ADAMTS12: variants seen among roughly 807,000 people sequenced by gnomAD.
ADAMTS12 encodes the protein ADAM metallopeptidase with thrombospondin type 1 motif 12.
A neutral mutation model predicts 167.8 loss-of-function variants in ADAMTS12; 118 were observed. The ratio of observed to expected loss-of-function variants is 0.70; its 90% CI spans 0.61 to 0.82. The LOEUF is 0.82. Ranked by LOEUF, ADAMTS12 falls within the 40% of genes least tolerant of loss-of-function variation. The pLI, the probability that ADAMTS12 is intolerant of heterozygous loss-of-function variation, is 0.00. For synonymous variants in ADAMTS12, 704 were observed against 716.9 expected (o/e 0.98, Z 0.29); for missense variants, 1,916 against 1,998.8 (o/e 0.96, Z 0.79).
At chr5:33,815,906 C>T (rs1747634394) in intron 2 of ADAMTS12, among the ~76,000 whole-genome samples, 2 of 152,160 alleles carry the variant, frequency 1.3e-5, no homozygotes, top group South Asian at 2.1e-4. Context: ...AGTTCACATA[C>T]CAAGAAAATG....
intron 16 of ADAMTS12, among the ~76,000 whole-genome samples, chr5:33,608,134 T>A (rs1738536615): frequency 6.6e-6 from 1 of 152,206 alleles, no homozygotes; most frequent in African/African-American, 2.4e-5. Flanking sequence ...CCTATGCATC[T>A]CTTCATCTGT....
At chr5:33,744,088 C>T (rs550039056) in intron 3 of ADAMTS12, among the ~76,000 whole-genome samples, 12 of 152,292 alleles carry the variant, frequency 7.9e-5, no homozygotes, top group Non-Finnish European at 1.8e-4. Flanking sequence ...AAGTTCCTGC[C>T]GTGGCCAGGA....
At chr5:33,725,585 A>G (rs1743951218) in intron 3 of ADAMTS12, among the ~76,000 whole-genome samples, 1 of 152,348 alleles carries the variant, frequency 6.6e-6, no homozygotes, top group South Asian at 2.1e-4. Context: ...GAAAGCACCC[A>G]AAGTAGATCA....
intron 2 of ADAMTS12, among the ~76,000 whole-genome samples, chr5:33,784,926 T>C (rs1469030247): frequency 2.0e-5 from 3 of 152,078 alleles, no homozygotes. Context: ...TTTCAAAACT[T>C]ATTGTAAAGT....
intron 2 of ADAMTS12, among the ~76,000 whole-genome samples, chr5:33,804,138 A>G (rs1161637117): frequency 6.6e-6 from 1 of 152,240 alleles, no homozygotes; most frequent in Non-Finnish European, 1.5e-5. Flanking sequence ...AAGTCTTTGC[A>G]AACTAAAAAC....
At chr5:33,709,635 T>C (rs965733334) in intron 3 of ADAMTS12, among the ~76,000 whole-genome samples, 3 of 151,706 alleles carry the variant, frequency 2.0e-5, no homozygotes, top group Admixed American at 6.6e-5. Context: ...TGTTCTCACT[T>C]ATAAGTGGGA....
intron 19 of ADAMTS12, among the ~76,000 whole-genome samples, chr5:33,562,454 C>G (rs1301369418): frequency 6.6e-6 from 1 of 151,944 alleles, no homozygotes; most frequent in Non-Finnish European, 1.5e-5. Context: ...CTTGCATCCC[C>G]TCTCCCCTGC....
chr5:33,588,396 A>G (rs185345802), intron 18 of ADAMTS12, among the ~76,000 whole-genome samples: 9 of 152,320 alleles, frequency 5.9e-5, no homozygotes. Flanking sequence ...TAGTAAGCTG[A>G]CCATTGAGCA....
At chr5:33,869,655 A>G (rs1013133774) in intron 2 of ADAMTS12, among the ~76,000 whole-genome samples, 1 of 152,208 alleles carries the variant, frequency 6.6e-6, no homozygotes, top group African/African-American at 2.4e-5. Flanking sequence ...TGGGTCACAG[A>G]GATCACATGC....
At position 33,623,614 on chromosome 5, in the gene ADAMTS12, T is replaced by C. The variant is rs545690450; in HGVS notation, c.2143+617A>G. Among the ~76,000 whole-genome samples the C allele has an allele frequency of 1.7e-4, 26 of 152,220 alleles. 1 individual carries two copies. The highest frequency in any genetic ancestry group is 2.6e-4 in the Non-Finnish European group (18 of 67,994). On this transcript the variant is annotated intron_variant, in intron 14 of 23. Coordinates refer to ENST00000504830, the MANE Select transcript of ADAMTS12 (RefSeq NM_030955.4). Reference sequence around the variant, plus strand: ...ACTATGGGAAAAGAATAGTAAAGCGTGGGTAAGAAGGGGATGCTAGGTGGA... The same window carrying C: ...ACTATGGGAAAAGAATAGTAAAGCGCGGGTAAGAAGGGGATGCTAGGTGGA...
chr5:33,718,102 G>A (rs1299578071), intron 3 of ADAMTS12, among the ~76,000 whole-genome samples: 1 of 152,168 alleles, frequency 6.6e-6, no homozygotes, highest in East Asian at 1.9e-4. Flanking sequence ...TAATAATATT[G>A]GCAAATAATA....
chr5:33,860,254 T>C (rs1749558008), intron 2 of ADAMTS12, among the ~76,000 whole-genome samples: 1 of 152,038 alleles, frequency 6.6e-6, no homozygotes, highest in Non-Finnish European at 1.5e-5. Flanking sequence ...GCAAGGAAGC[T>C]AAGAACCTTA....
intron 19 of ADAMTS12, among the ~76,000 whole-genome samples, chr5:33,571,314 C>T (rs1746331720): frequency 6.6e-6 from 1 of 152,134 alleles, no homozygotes; most frequent in Non-Finnish European, 1.5e-5. Context: ...CACCACACCA[C>T]ACCTATTCCA....
intron 3 of ADAMTS12, among the ~76,000 whole-genome samples, chr5:33,712,355 T>C (rs1419870561): frequency 1.3e-5 from 2 of 152,066 alleles, no homozygotes; most frequent in Non-Finnish European, 2.9e-5. Context: ...AGAAGTAAAA[T>C]GCTTTCAATG....
At chr5:33,655,174 T>C (rs966625861) in intron 7 of ADAMTS12, among the ~76,000 whole-genome samples, 3 of 152,256 alleles carry the variant, frequency 2.0e-5, no homozygotes, top group Middle Eastern at 3.4e-3. Flanking sequence ...TTAATGCCCC[T>C]GAGTAAGTTA....
chr5:33,603,053 T>C (rs1738265366), intron 16 of ADAMTS12, among the ~76,000 whole-genome samples: 1 of 152,166 alleles, frequency 6.6e-6, no homozygotes, highest in Admixed American at 6.6e-5. Flanking sequence ...CTCTTTTGTG[T>C]AGGCCACTGT....
chr5:33,630,773 C>A lies in ADAMTS12; in HGVS notation c.2022+7G>T, dbSNP rs553916021. On this transcript the variant is annotated splice_region_variant and intron_variant, in intron 13 of 23. Transcript: ENST00000504830. ...AAAGTTGTAGATTAAGGAAACATAC[C>A]CAATACCTTACATATGCCATTAATA... 1 of 1,610,198 alleles carries A rather than the reference C, an allele frequency of 6.2e-7. No homozygotes were observed.
chr5:33,583,301 C>T (rs1471597846), intron 18 of ADAMTS12, among the ~76,000 whole-genome samples: 1 of 152,184 alleles, frequency 6.6e-6, no homozygotes, highest in East Asian at 1.9e-4. Context: ...AGTTTATCCA[C>T]GTTGTTGCAA....
At chr5:33,538,816 C>T (rs995083070) in intron 22 of ADAMTS12, among the ~76,000 whole-genome samples, 3 of 152,178 alleles carry the variant, frequency 2.0e-5, no homozygotes, top group Non-Finnish European at 4.4e-5. Flanking sequence ...TCTTTTCTAT[C>T]ACCCCTGCTT....
Sources: allele counts gnomAD v4.1 joint callset (sites outside exome capture counted in the v4.1 genomes callset), GRCh38; gene constraint gnomAD v4.1.1; transcripts MANE v1.5; gene names NCBI Gene and HGNC (gene_info 2026-07-23, HGNC 2026-07-21).